TMC2: variants seen among roughly 807,000 people sequenced by gnomAD.
The protein encoded by TMC2 is transmembrane channel-like protein 2.
TMC2 carries 102 observed loss-of-function variants against 105.9 expected under a neutral mutation model. The observed-to-expected ratio is 0.96, with a 90% confidence interval of 0.82 to 1.14. The LOEUF is 1.14. Among genes scored for constraint, TMC2 ranks in the 50% most tolerant of loss-of-function variants. The probability of loss-of-function intolerance (pLI) is 0.00; values close to 1 mark genes in which losing one functional copy is unlikely to be tolerated. For synonymous variants in TMC2, 402 were observed against 422.8 expected, an observed-to-expected ratio of 0.95 and a Z score of 0.60; for missense variants, 1,093 against 1,134.3, an observed-to-expected ratio of 0.96 and a Z score of 0.52.
chr20:2,611,793 G>A (rs2086440055), intron 12 of TMC2, among the ~76,000 whole-genome samples: 1 of 150,136 alleles, frequency 6.7e-6, no homozygotes. Context: ...TGACTGGATA[G>A]ATGCATGAAT....
At chr20:2,639,188 T>C (rs6515676) in intron 19 of TMC2, among the ~76,000 whole-genome samples, 28,175 of 152,018 alleles carry the variant, frequency 0.19, 4,063 homozygotes, top group African/African-American at 0.38. Context: ...AGCCACCGCG[T>C]CCGGCCTAGA....
chr20:2,536,662 C>T lies in TMC2; in HGVS notation c.34+7C>T. 6 of 1,572,230 alleles carry T rather than the reference C, an allele frequency of 3.8e-6. No homozygotes were observed. The highest frequency in any genetic ancestry group is 5.2e-6 in the Non-Finnish European group (6 of 1,158,616). On this transcript the variant is annotated splice_region_variant and intron_variant, in intron 1 of 19. Transcript: ENST00000358864. ...AAGGGCCTGAAAGAGGAAGGTGAGT[C>T]CACGTCCTGATCCTGCGGGGCCCGC...
intron 17 of TMC2, among the ~76,000 whole-genome samples, chr20:2,630,655 T>C (rs1220131252): frequency 6.6e-6 from 1 of 152,126 alleles, no homozygotes; most frequent in Non-Finnish European, 1.5e-5. Flanking sequence ...GACCCATCTC[T>C]ACAAAAACTT....
chr20:2,603,692 C>G (rs1200852482), intron 11 of TMC2, among the ~76,000 whole-genome samples: 1 of 152,148 alleles, frequency 6.6e-6, no homozygotes, highest in Non-Finnish European at 1.5e-5. Flanking sequence ...GATTTGAAAA[C>G]ACAGTGAGAG....
intron 4 of TMC2, among the ~76,000 whole-genome samples, chr20:2,569,306 T>C (rs918922823): frequency 6.6e-6 from 1 of 152,234 alleles, no homozygotes; most frequent in African/African-American, 2.4e-5. Flanking sequence ...GACAAATTGA[T>C]TCATTTGTTT....
chr20:2,610,949 C>A (rs7262746), intron 12 of TMC2, among the ~76,000 whole-genome samples: 26,364 of 152,180 alleles, frequency 0.17, 2,860 homozygotes, highest in East Asian at 0.29. Flanking sequence ...ATTACTTAAC[C>A]GTTTATCAAT....
chr20:2,545,401 T>C (rs369485433), intron 2 of TMC2, among the ~76,000 whole-genome samples: 2 of 152,062 alleles, frequency 1.3e-5, no homozygotes, highest in East Asian at 1.9e-4. Context: ...GAGAACAAAT[T>C]AATAGATGAT....
chr20:2,570,125 T>G (rs572018167), intron 4 of TMC2, among the ~76,000 whole-genome samples: 5 of 152,192 alleles, frequency 3.3e-5, no homozygotes, highest in Non-Finnish European at 7.4e-5. Context: ...ACTGGAAGTC[T>G]TAATCAGAGC....
At chr20:2,571,131 A>G (rs903677903) in intron 4 of TMC2, among the ~76,000 whole-genome samples, 1 of 152,242 alleles carries the variant, frequency 6.6e-6, no homozygotes, top group Non-Finnish European at 1.5e-5. Context: ...AACTGCAACA[A>G]AAACAAAAAT....
chr20:2,621,530 G>A (rs148341789), intron 16 of TMC2, among the ~76,000 whole-genome samples: 7 of 151,696 alleles, frequency 4.6e-5, no homozygotes, highest in South Asian at 2.1e-4. Context: ...CTAGCCAGGC[G>A]TGGTGGCAAG....
At chr20:2,596,712 T>A (rs984992651) in intron 9 of TMC2, among the ~76,000 whole-genome samples, 1 of 126,138 alleles carries the variant, frequency 7.9e-6, no homozygotes, top group Non-Finnish European at 1.8e-5. Context: ...CAGAAAAAAA[T>A]ATATATGTGT....
At chr20:2,561,191 G>C (rs2122832979) in intron 3 of TMC2, among the ~76,000 whole-genome samples, 1 of 152,304 alleles carries the variant, frequency 6.6e-6, no homozygotes, top group East Asian at 1.9e-4. Context: ...TCTACAAAAA[G>C]ACAAACTACT....
rs575180391 is a variant in TMC2, at chr20:2,622,691, GAAAGAAAGAAAAGA to G, written c.2181-1567_2181-1554del. 5.3e-3 allele frequency among the ~76,000 whole-genome samples: 805 copies of G among 151,458 alleles called. 4 individuals are homozygous for G. Among genetic ancestry groups the G allele is most frequent in the Middle Eastern group, 0.037 (11 of 294 alleles). On this transcript the variant is annotated intron_variant, in intron 16 of 19. Coordinates refer to ENST00000358864, the MANE Select transcript of TMC2 (RefSeq NM_080751.3). ...GAGAGACTCTGTCTCAAAAAAAAAA[GAAAGAAAGAAAAGA>G]AAAGAAAGAAAAAGAAAACAGGTAA...
At position 2,616,570 on chromosome 20, in the gene TMC2, A is replaced by G. The variant is rs78983236; in HGVS notation, c.1940+366A>G. ...AAAGAGGAGGAAAGGAAAATAAAGA[A>G]GGAGGGAGGGAGAAAAGAAGGAAGA... On this transcript the variant is annotated intron_variant, in intron 15 of 19. Transcript: ENST00000358864. The surrounding 1 kb of genome is among the most constrained non-coding windows in gnomAD (Gnocchi z 4.8). Among the ~76,000 whole-genome samples the G allele has an allele frequency of 2.0e-5, 3 of 149,612 alleles. No individual in the cohort carries two copies. The highest frequency in any genetic ancestry group is 4.5e-5 in the Non-Finnish European group (3 of 66,816).
At chr20:2,544,923 T>C (rs2085913280) in intron 2 of TMC2, among the ~76,000 whole-genome samples, 1 of 151,090 alleles carries the variant, frequency 6.6e-6, no homozygotes, top group Admixed American at 6.6e-5. Context: ...TAGCCAGGCA[T>C]GGTGGCGCAT....
intron 4 of TMC2, among the ~76,000 whole-genome samples, chr20:2,567,865 TG>T (rs1156642726): frequency 1.3e-5 from 2 of 152,012 alleles, no homozygotes; most frequent in African/African-American, 4.8e-5. Flanking sequence ...ACTCAGTGAG[TG>T]GGCTCAACAA....
chr20:2,558,224 G>C lies in TMC2; in HGVS notation c.83-232G>C. The C allele has an allele frequency of 3.0e-6, 3 of 1,009,980 alleles. No homozygotes were observed. Among genetic ancestry groups the C allele is most frequent in the Non-Finnish European group, 2.8e-6 (2 of 721,398 alleles). The allele number at this position is 1,009,980 out of a possible 1,614,324, so 62.6% of individuals were successfully genotyped here. ...GTCACAGGAGGTCTTCAAGGGAGAC[G>C]GGAGGGAGAAGGCCAGAGAGTGACC... On this transcript the variant is annotated intron_variant, in intron 2 of 19. Coordinates refer to ENST00000358864, the MANE Select transcript of TMC2 (RefSeq NM_080751.3). The surrounding 1 kb of genome is among the most constrained non-coding windows in gnomAD (Gnocchi z 4.6).
intron 11 of TMC2, among the ~76,000 whole-genome samples, chr20:2,608,624 A>G (rs2086412185): frequency 6.6e-6 from 1 of 152,062 alleles, no homozygotes; most frequent in African/African-American, 2.4e-5. Context: ...CACTGCACCT[A>G]GCCCCCAATT....
Position 2,594,968 on chromosome 20 carries a change from G to C in TMC2, c.1076+1G>C. 1.2e-6 allele frequency: 2 copies of C among 1,612,838 alleles called. No homozygotes were observed. Among genetic ancestry groups the C allele is most frequent in the Non-Finnish European group, 1.7e-6 (2 of 1,179,420 alleles). ...ACAGCCTGATTATTGTCATTCGATC[G>C]TAAGTATGACCGTCTCATCCGCAGG... is the stretch of plus-strand genomic sequence containing the variant. On this transcript the variant is annotated splice_donor_variant, in intron 9 of 19. Transcript: ENST00000358864. LOFTEE classifies it high-confidence loss of function.
Sources: gnomAD v4.1 joint callset for allele counts (sites outside exome capture counted in the v4.1 genomes callset) on GRCh38, gnomAD v4.1.1 for gene constraint, Gnocchi (gnomAD v3.1) non-coding constraint, MANE v1.5 for transcripts, NCBI Gene and HGNC (gene_info 2026-07-23, HGNC 2026-07-21) for gene names.